The following ANOS1 variants were observed in gnomAD, a reference collection of about 807,000 sequenced individuals.
ANOS1 encodes the protein anosmin 1.
ANOS1 carries 6 observed loss-of-function variants against 59.0 expected under a neutral mutation model. The observed-to-expected ratio is 0.10, with a 90% CI of 0.06 to 0.20. The LOEUF (loss-of-function observed/expected upper bound fraction) is 0.20, where lower values mean the gene tolerates loss of function less well. Ranked by LOEUF, ANOS1 falls within the 10% of genes least tolerant of loss-of-function variation. The pLI, the probability that ANOS1 is intolerant of heterozygous loss-of-function variation, is 1.00. For missense variants in ANOS1, 433 were observed against 542.3 expected, an observed-to-expected ratio of 0.80 and a Z score of 2.00; for synonymous variants, 217 against 223.4, an observed-to-expected ratio of 0.97 and a Z score of 0.25.
rs1458780017 is a variant in ANOS1 at position 8,659,531 on chromosome X, CTT to C, written c.256-35863_256-35862del. 4.0e-3 allele frequency among the ~76,000 whole-genome samples: 386 copies of C among 96,595 alleles called. 4 individuals are homozygous for C. The highest frequency in any genetic ancestry group is 0.016 in the African/African-American group (366 of 23,130). 83.9% of individuals were successfully genotyped at this position (96,595 alleles called of 115,157 possible). ...CCTGCTTGCTTGCTTTTCTTTCTTT[CTT>C]TCTCTTTCCTTCCTTCCTTCCTTCC... On this transcript the variant is annotated intron_variant, in intron 2 of 13. Transcript: ENST00000262648.
chrX:8,704,944 G>C (rs1011978546), intron 1 of ANOS1, among the ~76,000 whole-genome samples: 8 of 111,188 alleles, frequency 7.2e-5, no homozygotes, highest in Admixed American at 2.9e-4. Flanking sequence ...AAAGTATTTA[G>C]TATTGAAAAT....
intron 1 of ANOS1, among the ~76,000 whole-genome samples, chrX:8,725,657 T>C (rs7891090): frequency 1.9e-4 from 10 of 53,262 alleles, no homozygotes; most frequent in African/African-American, 6.5e-4. Context: ...TACAGATATA[T>C]ATATATACAG....
intron 7 of ANOS1, among the ~76,000 whole-genome samples, chrX:8,569,425 G>T (rs774707868): frequency 8.9e-6 from 1 of 112,359 alleles, no homozygotes; most frequent in South Asian, 3.7e-4. Flanking sequence ...GGCGGATCAC[G>T]AGGTCAGGAG....
intron 2 of ANOS1, among the ~76,000 whole-genome samples, chrX:8,678,559 C>T (rs1206346709): frequency 1.8e-5 from 2 of 112,027 alleles, no homozygotes; most frequent in Non-Finnish European, 3.8e-5. Flanking sequence ...GCTTTAAAAA[C>T]AAAAAGTCCT....
chrX:8,573,264 T>C (rs1930264692), intron 6 of ANOS1, among the ~76,000 whole-genome samples: 1 of 110,604 alleles, frequency 9.0e-6, no homozygotes, highest in Non-Finnish European at 1.9e-5. Flanking sequence ...GGTTTCACCA[T>C]GTTTGCCAGG....
At chrX:8,649,878 G>A (rs1931822628) in intron 2 of ANOS1, among the ~76,000 whole-genome samples, 2 of 112,465 alleles carry the variant, frequency 1.8e-5, no homozygotes, top group Admixed American at 1.9e-4. Context: ...TCACTTGTAG[G>A]AGCCCCTTCC....
chrX:8,677,503 C>T (rs768813642), intron 2 of ANOS1, among the ~76,000 whole-genome samples: 1 of 111,810 alleles, frequency 8.9e-6, no homozygotes, highest in Non-Finnish European at 1.9e-5. Flanking sequence ...ATACCCCCTT[C>T]TTCATGATGT....
intron 2 of ANOS1, among the ~76,000 whole-genome samples, chrX:8,634,297 C>A (rs961779125): frequency 7.3e-5 from 8 of 109,232 alleles, no homozygotes; most frequent in Non-Finnish European, 1.3e-4. Context: ...ATACGTTATA[C>A]ATTTGTGTAT....
intron 2 of ANOS1, among the ~76,000 whole-genome samples, chrX:8,674,643 A>C (rs1932307407): frequency 8.9e-6 from 1 of 112,451 alleles, no homozygotes; most frequent in Non-Finnish European, 1.9e-5. Context: ...AAAGTTTACA[A>C]ATTTGTGTTG....
At chrX:8,648,177 T>C (rs185466751) in intron 2 of ANOS1, among the ~76,000 whole-genome samples, 6 of 111,786 alleles carry the variant, frequency 5.4e-5, no homozygotes, top group Admixed American at 9.5e-5. Context: ...AATAGAACAA[T>C]TGGCCAGGCG....
intron 1 of ANOS1, among the ~76,000 whole-genome samples, chrX:8,704,044 G>A (rs1339162947): frequency 1.8e-5 from 2 of 110,029 alleles, no homozygotes; most frequent in Non-Finnish European, 3.8e-5. Flanking sequence ...TGTTATTCTC[G>A]TGATAGTAAG....
At chrX:8,589,187 AT>A (rs1400727983) in intron 4 of ANOS1, among the ~76,000 whole-genome samples, 1 of 112,229 alleles carries the variant, frequency 8.9e-6, no homozygotes, top group African/African-American at 3.2e-5. Context: ...GAATTGAATA[AT>A]TTTTTTAAAG....
intron 1 of ANOS1, among the ~76,000 whole-genome samples, chrX:8,701,166 T>C (rs1932753561): frequency 9.0e-6 from 1 of 110,895 alleles, no homozygotes; most frequent in East Asian, 2.8e-4. Flanking sequence ...GTAGCAAAGC[T>C]AGCAGAAACC....
chrX:8,556,729 T>C (rs1482394479), intron 8 of ANOS1, among the ~76,000 whole-genome samples: 1 of 111,838 alleles, frequency 8.9e-6, no homozygotes, highest in East Asian at 2.8e-4. Flanking sequence ...GAAGAATCAA[T>C]ATCGTGAAAA....
chrX:8,689,455 G>A (rs1432647425), intron 2 of ANOS1, among the ~76,000 whole-genome samples: 1 of 110,033 alleles, frequency 9.1e-6, no homozygotes. Context: ...CCAGCACTTT[G>A]GAAAGGCCGA....
At chrX:8,699,024 A>G (rs901654267) in intron 2 of ANOS1, among the ~76,000 whole-genome samples, 2 of 111,583 alleles carry the variant, frequency 1.8e-5, no homozygotes, top group Admixed American at 1.9e-4. Context: ...TTTTGCTCCA[A>G]TGTTTTTAGC....
intron 2 of ANOS1, among the ~76,000 whole-genome samples, chrX:8,668,394 CATATATATATATATATATATATAT>C (rs202229567): frequency 3.9e-5 from 2 of 51,570 alleles, no homozygotes; most frequent in East Asian, 4.9e-4. Context: ...AGTATTCCAT[CATATATATATATATATATATATAT>C]ATATATATAT....
intron 8 of ANOS1, among the ~76,000 whole-genome samples, chrX:8,560,227 C>T (rs1470892866): frequency 9.0e-6 from 1 of 111,047 alleles, no homozygotes. Flanking sequence ...CCTGAGCCCC[C>T]TAAGTAGTTA....
At chrX:8,535,430 A>T (rs1436857597) in intron 12 of ANOS1, 161 bp downstream of exon 12, 5 of 475,205 alleles carry the variant, frequency 1.1e-5, no homozygotes, top group African/African-American at 2.5e-5. Context: ...CACATTTGTG[A>T]TGTGTTAATG....
Sources: gnomAD v4.1 joint callset for allele counts (sites outside exome capture counted in the v4.1 genomes callset) on GRCh38, gnomAD v4.1.1 for gene constraint, MANE v1.5 for transcripts, NCBI Gene and HGNC (gene_info 2026-07-23, HGNC 2026-07-21) for gene names.